COL23A1: variants seen among roughly 807,000 people sequenced by gnomAD.
COL23A1 encodes collagen alpha-1(XXIII) chain.
In COL23A1, 97 loss-of-function variants were observed where a neutral mutation model predicts 99.3. The ratio of observed to expected loss-of-function variants is 0.98; its 90% CI spans 0.83 to 1.16. The LOEUF (loss-of-function observed/expected upper bound fraction) is 1.16. Ranked by LOEUF, COL23A1 falls within the 50% of genes most tolerant of loss-of-function variation. The pLI, the probability that COL23A1 is intolerant of heterozygous loss-of-function variation, is 0.00. For missense variants in COL23A1, 762 were observed against 757.4 expected, an observed-to-expected ratio of 1.01 and a Z score of -0.07; for synonymous variants, 320 against 308.2, an observed-to-expected ratio of 1.04 and a Z score of -0.40.
Position 178,391,953 on chromosome 5 carries a change from C to G in COL23A1, c.362-85034G>C, listed in dbSNP as rs147348220. Among the ~76,000 whole-genome samples the G allele has an allele frequency of 7.2e-3, 1,090 of 152,188 alleles. 10 individuals carry two copies. Among genetic ancestry groups the G allele is most frequent in the African/African-American group, 0.025 (1,025 of 41,494 alleles). ...ATGCAGGAATCTTGAAAACATTACG[C>G]TAAGTGAAAGAAGCCAGACACAGAA... On this transcript the variant is annotated intron_variant, in intron 2 of 28. Coordinates refer to ENST00000390654, the MANE Select transcript of COL23A1 (RefSeq NM_173465.4).
At chr5:178,392,296 A>G (rs1764010819) in intron 2 of COL23A1, among the ~76,000 whole-genome samples, 1 of 152,140 alleles carries the variant, frequency 6.6e-6, no homozygotes, top group South Asian at 2.1e-4. Context: ...CTGAGCCCGC[A>G]CGGACGCAGC....
chr5:178,362,008 A>G lies in COL23A1; in HGVS notation c.362-55089T>C, dbSNP rs190802320. Among the ~76,000 whole-genome samples, 522 of 152,274 alleles carry G rather than the reference A, an allele frequency of 3.4e-3. 2 individuals are homozygous for G. The highest frequency in any genetic ancestry group is 0.012 in the African/African-American group (495 of 41,566). ...GGAAATGCTGAGTGGGAGATAAAGG[A>G]GTAGTGATGCTTATGCAAAGCTTCC... On this transcript the variant is annotated intron_variant, in intron 2 of 28. Transcript: ENST00000390654.
chr5:178,326,515 C>A (rs1460764840), intron 2 of COL23A1, among the ~76,000 whole-genome samples: 1 of 152,122 alleles, frequency 6.6e-6, no homozygotes, highest in Non-Finnish European at 1.5e-5. Flanking sequence ...AGACATGACA[C>A]CCTGAGAAGA....
rs866099575 is a variant in COL23A1, at chr5:178,308,667, A to G, written c.362-1748T>C. Among the ~76,000 whole-genome samples the G allele has an allele frequency of 1.3e-5, 2 of 152,190 alleles. No homozygotes were observed. Among genetic ancestry groups the G allele is most frequent in the South Asian group, 2.1e-4 (1 of 4,832 alleles). ...CCTATCTCCACGTGCTTGTCCCACC[A>G]GCATCTCAGACCAGTTGTGGCCCAA... On this transcript the variant is annotated intron_variant, in intron 2 of 28. Transcript: ENST00000390654. The surrounding 1 kb of genome is among the most constrained non-coding windows in gnomAD (Gnocchi z 5.1).
At chr5:178,409,613 T>C (rs1764961513) in intron 2 of COL23A1, among the ~76,000 whole-genome samples, 1 of 152,256 alleles carries the variant, frequency 6.6e-6, no homozygotes, top group African/African-American at 2.4e-5. Context: ...AAGGGACTTC[T>C]CTGTACTATT....
chr5:178,283,613 A>C (rs1757011900), intron 5 of COL23A1, among the ~76,000 whole-genome samples: 1 of 152,274 alleles, frequency 6.6e-6, no homozygotes, highest in Non-Finnish European at 1.5e-5. Flanking sequence ...TGTGTAAAAC[A>C]AACCAGAAAG....
intron 20 of COL23A1, 146 bp from the exon 21 acceptor site, chr5:178,247,977 C>A: frequency 1.3e-6 from 1 of 783,566 alleles, no homozygotes; most frequent in Non-Finnish European, 2.1e-6. Flanking sequence ...AGCTGGTCTG[C>A]GGAGCTTATA....
chr5:178,408,075 T>C (rs985820347), intron 2 of COL23A1, among the ~76,000 whole-genome samples: 1 of 152,096 alleles, frequency 6.6e-6, no homozygotes, highest in African/African-American at 2.4e-5. Flanking sequence ...CAAATAAAAA[T>C]ATTTCAGAGA....
At chr5:178,488,205 G>T (rs1420758883) in intron 2 of COL23A1, among the ~76,000 whole-genome samples, 4 of 152,118 alleles carry the variant, frequency 2.6e-5, no homozygotes, top group African/African-American at 7.2e-5. Context: ...GTGCACTCAG[G>T]CCTCTCAATT....
intron 13 of COL23A1, 112 bp downstream of exon 13, chr5:178,257,411 C>G: frequency 7.9e-7 from 1 of 1,268,008 alleles, no homozygotes. Context: ...CTGCGCTGGG[C>G]ACTGGCCTAG....
Position 178,247,545 on chromosome 5 carries a change from T to C in COL23A1, c.1277A>G (p.Gln426Arg). The stretch of plus-strand genomic sequence containing the variant: ...ACTCACCTTGGGACCCTGGATTCCC[T>C]GGAGGCCCTGCAGGAGGAGGAAGCA... ...PPGPPGPMGLQGIQGPKGLDG... is the reference protein window; with the variant it reads ...PPGPPGPMGLRGIQGPKGLDG... Residue 426 changes from glutamine (Q) to arginine (R), a missense_variant, in exon 22 of 29, where the codon CAG becomes CGG. Gln to Arg is a conservative substitution (Grantham distance 43). Coordinates refer to ENST00000390654, the MANE Select transcript of COL23A1 (RefSeq NM_173465.4). 1 of 1,614,068 alleles carries C rather than the reference T, an allele frequency of 6.2e-7. No homozygotes were observed. Among genetic ancestry groups the C allele is most frequent in the Non-Finnish European group, 8.5e-7 (1 of 1,179,948 alleles).
At chr5:178,379,816 G>C (rs1763279692) in intron 2 of COL23A1, among the ~76,000 whole-genome samples, 1 of 151,700 alleles carries the variant, frequency 6.6e-6, no homozygotes, top group South Asian at 2.1e-4. Flanking sequence ...AGGAGGCGGA[G>C]GTTGCGGTGA....
At chr5:178,412,542 T>C (rs1413912928) in intron 2 of COL23A1, among the ~76,000 whole-genome samples, 1 of 152,222 alleles carries the variant, frequency 6.6e-6, no homozygotes, top group Non-Finnish European at 1.5e-5. Context: ...CTTTCTTTAC[T>C]TCTCTACCCC....
At chr5:178,584,424 A>G (rs1406728297) in intron 1 of COL23A1, among the ~76,000 whole-genome samples, 2 of 151,376 alleles carry the variant, frequency 1.3e-5, no homozygotes, top group Non-Finnish European at 2.9e-5. Flanking sequence ...CTGGTCTTGA[A>G]CTCCTGGGCT....
At position 178,255,673 on chromosome 5, in the gene COL23A1, G is replaced by A; in HGVS notation, c.883-647C>T. 4.5e-6 allele frequency: 1 copy of A among 224,302 alleles called. No homozygotes were observed. Among genetic ancestry groups the A allele is most frequent in the South Asian group, 4.5e-5 (1 of 22,018 alleles). The allele number at this position is 224,302 out of a possible 1,614,324, so 13.9% of individuals were successfully genotyped here. A position where few individuals can be genotyped will look rare whatever the true frequency, so the allele number is the denominator to read the frequency against. ...CCCGAGCCTATCCCTTGTGCAGGCT[G>A]GAGACCCTTGCTTGGGCCTCATTTG... On this transcript the variant is annotated intron_variant, in intron 15 of 28. Coordinates refer to ENST00000390654, the MANE Select transcript of COL23A1 (RefSeq NM_173465.4). This position sits in a 1 kb window ranked among gnomAD's most constrained non-coding sequence, Gnocchi z 4.2.
intron 2 of COL23A1, among the ~76,000 whole-genome samples, chr5:178,547,367 T>A (rs1761643534): frequency 6.6e-6 from 1 of 151,838 alleles, no homozygotes; most frequent in Non-Finnish European, 1.5e-5. Context: ...GTAAGAATAT[T>A]GGCTCTCCTG....
intron 2 of COL23A1, among the ~76,000 whole-genome samples, chr5:178,556,846 G>A (rs1762302273): frequency 6.6e-6 from 1 of 151,788 alleles, no homozygotes; most frequent in South Asian, 2.1e-4. Context: ...TCAGCTACTC[G>A]GGAGGCTGAG....
At chr5:178,576,993 T>C (rs1279211346) in intron 1 of COL23A1, among the ~76,000 whole-genome samples, 1 of 151,646 alleles carries the variant, frequency 6.6e-6, no homozygotes, top group Non-Finnish European at 1.5e-5. Flanking sequence ...GAGCGGCCCC[T>C]CCTCGGGCAG....
At chr5:178,336,378 A>C (rs1321713518) in intron 2 of COL23A1, among the ~76,000 whole-genome samples, 2 of 152,258 alleles carry the variant, frequency 1.3e-5, no homozygotes, top group African/African-American at 4.8e-5. Context: ...AACATGGTCT[A>C]TCCATACAAT....
Sources: gnomAD v4.1 joint callset for allele counts (sites outside exome capture counted in the v4.1 genomes callset) on GRCh38, gnomAD v4.1.1 for gene constraint, Gnocchi (gnomAD v3.1) non-coding constraint, MANE v1.5 for transcripts, NCBI Gene and HGNC (gene_info 2026-07-23, HGNC 2026-07-21) for gene names.